OTOP1: variants seen among roughly 807,000 people sequenced by gnomAD.
OTOP1 encodes the protein otopetrin 1, also known as proton channel OTOP1.
In OTOP1, 59 loss-of-function variants were observed where a neutral mutation model predicts 52.9. The ratio of observed to expected loss-of-function variants is 1.12; its 90% confidence interval spans 0.91 to 1.39. OTOP1 has a LOEUF of 1.39. Among genes scored for constraint, OTOP1 ranks in the 40% most tolerant of loss-of-function variants. The probability of loss-of-function intolerance (pLI) is 0.00; values close to 1 mark genes in which losing one functional copy is unlikely to be tolerated. For synonymous variants in OTOP1, 317 were observed against 337.7 expected (o/e 0.94, Z 0.67); for missense variants, 761 against 800.9 (o/e 0.95, Z 0.60).
chr4:4,192,350 A>T (rs369075449), intron 5 of OTOP1, among the ~76,000 whole-genome samples: 1 of 152,256 alleles, frequency 6.6e-6, no homozygotes, highest in South Asian at 2.1e-4. Flanking sequence ...GGCTTCACCA[A>T]CTTCACCTGA....
chr4:4,210,954 T>C (rs1463907916), intron 2 of OTOP1, among the ~76,000 whole-genome samples: 1 of 152,154 alleles, frequency 6.6e-6, no homozygotes, highest in East Asian at 1.9e-4. Flanking sequence ...GTACTGAGAA[T>C]GAGGGTTTCG....
intron 5 of OTOP1, among the ~76,000 whole-genome samples, chr4:4,195,765 C>T (rs879763701): frequency 6.6e-5 from 10 of 152,214 alleles, no homozygotes; most frequent in Admixed American, 4.6e-4. Flanking sequence ...GTGGGCCTCA[C>T]GTCAAGCACC....
intron 1 of OTOP1, among the ~76,000 whole-genome samples, chr4:4,215,003 C>T (rs1029673739): frequency 6.6e-6 from 1 of 152,164 alleles, no homozygotes; most frequent in African/African-American, 2.4e-5. Flanking sequence ...AATTCTAGCC[C>T]AGGCATGGTG....
intron 1 of OTOP1, 125 bp from the exon 2 acceptor site, chr4:4,213,129 G>C: frequency 8.0e-7 from 1 of 1,248,734 alleles, no homozygotes; most frequent in Non-Finnish European, 1.1e-6. Context: ...TTTTTCACAA[G>C]GGTGCCGAGA....
At chr4:4,205,392 C>A (rs765382664) in intron 3 of OTOP1, among the ~76,000 whole-genome samples, 1 of 152,164 alleles carries the variant, frequency 6.6e-6, no homozygotes, top group Non-Finnish European at 1.5e-5. Flanking sequence ...GGCAGGATGG[C>A]GATTCACAAA....
intron 1 of OTOP1, among the ~76,000 whole-genome samples, chr4:4,213,321 T>C (rs1294885966): frequency 6.6e-6 from 1 of 152,204 alleles, no homozygotes; most frequent in African/African-American, 2.4e-5. Context: ...GAAAGCTTCA[T>C]GACATTGGCT....
rs757334904 is a variant in OTOP1 at position 4,188,960 on chromosome 4, G to T, written c.1682C>A (p.Pro561His). The change falls in exon 6 of 6, where the codon CCC becomes CAC. Residue 561 changes from proline to histidine, a missense_variant. Physicochemically the swap from Pro to His is moderately conservative, Grantham distance 77 (BLOSUM62 -2). Transcript: ENST00000296358. Reference protein sequence around the residue: ...FLCNISLWIPPAFGCRPEYDN... With the variant: ...FLCNISLWIPHAFGCRPEYDN... ...ATACTCAGGTCGACAGCCAAAGGCG[G>T]GAGGTATCCAAAGCTGCAAGAGAAG... 1 of 1,612,500 alleles carries T rather than the reference G, an allele frequency of 6.2e-7. No homozygotes were observed. Among genetic ancestry groups the T allele is most frequent in the Non-Finnish European group, 8.5e-7 (1 of 1,179,258 alleles).
At chr4:4,206,591 G>T (rs919738943) in intron 2 of OTOP1, among the ~76,000 whole-genome samples, 1 of 152,200 alleles carries the variant, frequency 6.6e-6, no homozygotes, top group Non-Finnish European at 1.5e-5. Context: ...CTGGTCTTTT[G>T]TTTCACTCTA....
intron 4 of OTOP1, among the ~76,000 whole-genome samples, chr4:4,201,471 TACACAC>T (rs762922216): frequency 2.8e-5 from 4 of 140,774 alleles, no homozygotes; most frequent in Non-Finnish European, 4.6e-5. Flanking sequence ...TATATATATA[TACACAC>T]ACACACACAC....
chr4:4,189,454 G>T (rs1716455662), intron 5 of OTOP1, among the ~76,000 whole-genome samples: 1 of 152,122 alleles, frequency 6.6e-6, no homozygotes, highest in Non-Finnish European at 1.5e-5. Flanking sequence ...GAGTTGTCAG[G>T]CTCCTCACTC....
intron 2 of OTOP1, among the ~76,000 whole-genome samples, chr4:4,211,443 TTC>T (rs1717023797): frequency 6.6e-6 from 1 of 150,376 alleles, no homozygotes; most frequent in Non-Finnish European, 1.5e-5. Flanking sequence ...CTCCAACTTC[TTC>T]GTTAGAAAAA....
At chr4:4,204,840 C>T (rs1339279094) in intron 3 of OTOP1, among the ~76,000 whole-genome samples, 1 of 151,992 alleles carries the variant, frequency 6.6e-6, no homozygotes, top group Non-Finnish European at 1.5e-5. Flanking sequence ...GGCGTGATCT[C>T]GGCTCACTGC....
At chr4:4,205,965 G>C in intron 3 of OTOP1, 107 bp downstream of exon 3, 1 of 940,304 alleles carries the variant, frequency 1.1e-6, no homozygotes, top group Non-Finnish European at 1.7e-6. Flanking sequence ...GGACTGAGGG[G>C]AGAGTTGGTC....
chr4:4,200,484 A>G (rs1321785095), intron 4 of OTOP1, among the ~76,000 whole-genome samples: 1 of 151,382 alleles, frequency 6.6e-6, no homozygotes, highest in East Asian at 1.9e-4. Context: ...AAAAAAAAAA[A>G]AAAATCTGAG....
chr4:4,226,085 G>T (rs1194338291), intron 1 of OTOP1, among the ~76,000 whole-genome samples: 1 of 152,238 alleles, frequency 6.6e-6, no homozygotes, highest in African/African-American at 2.4e-5. Flanking sequence ...CAAAGGAGGG[G>T]ATCAAAGGAA....
chr4:4,219,934 C>T (rs1443422653), intron 1 of OTOP1, among the ~76,000 whole-genome samples: 1 of 137,972 alleles, frequency 7.2e-6, no homozygotes, highest in African/African-American at 2.9e-5. Context: ...TACATGTATA[C>T]ATATATACAC....
chr4:4,222,868 A>G (rs1185651769), intron 1 of OTOP1, among the ~76,000 whole-genome samples: 1 of 152,142 alleles, frequency 6.6e-6, no homozygotes, highest in Non-Finnish European at 1.5e-5. Flanking sequence ...CCCAACACTA[A>G]TAATTAGCTT....
intron 5 of OTOP1, among the ~76,000 whole-genome samples, chr4:4,194,016 T>C (rs1247984121): frequency 1.3e-5 from 2 of 152,076 alleles, no homozygotes; most frequent in Non-Finnish European, 2.9e-5. Flanking sequence ...AGTGAAACCC[T>C]GTCTCTACTA....
At chr4:4,194,773 C>T (rs1716585491) in intron 5 of OTOP1, among the ~76,000 whole-genome samples, 1 of 152,204 alleles carries the variant, frequency 6.6e-6, no homozygotes, top group African/African-American at 2.4e-5. Context: ...CTGGGGCACT[C>T]CCCTCCAGCC....
Sources: gnomAD v4.1 joint callset for allele counts (sites outside exome capture counted in the v4.1 genomes callset) on GRCh38, gnomAD v4.1.1 for gene constraint, MANE v1.5 for transcripts, NCBI Gene and HGNC (gene_info 2026-07-23, HGNC 2026-07-21) for gene names.